The following PAX7 variants were observed in gnomAD, a reference collection of about 807,000 sequenced individuals.
The protein encoded by PAX7 is paired box 7, also known as paired box protein Pax-7.
In PAX7, 18 loss-of-function variants were observed where a neutral mutation model predicts 50.7. The ratio of observed to expected loss-of-function variants is 0.36; its 90% CI spans 0.25 to 0.53. The LOEUF (loss-of-function observed/expected upper bound fraction) is 0.53. Ranked by LOEUF, PAX7 falls within the 20% of genes least tolerant of loss-of-function variation. PAX7 has a pLI of 0.93. For synonymous variants in PAX7, 310 were observed against 290.4 expected, an observed-to-expected ratio of 1.07 and a Z score of -0.69; for missense variants, 644 against 702.9, an observed-to-expected ratio of 0.92 and a Z score of 0.95.
intron 5 of PAX7, among the ~76,000 whole-genome samples, chr1:18,696,349 G>A (rs1427561421): frequency 1.3e-5 from 2 of 149,140 alleles, no homozygotes; most frequent in Admixed American, 1.3e-4. Context: ...TTACAGGCAT[G>A]AGCCACTGCA....
chr1:18,700,899 T>A lies in PAX7; in HGVS notation c.952+81T>A. ...TACTTTCACTTACAAAGGCTCTTCT[T>A]TTTTTTATGACCATTTCTTACTTTC... On this transcript the variant is annotated intron_variant, in intron 6 of 8. Transcript: ENST00000420770. This position sits in a 1 kb window ranked among gnomAD's most constrained non-coding sequence, Gnocchi z 4.8. 1 of 1,218,956 alleles carries A rather than the reference T, an allele frequency of 8.2e-7. No homozygotes were observed. Among genetic ancestry groups the A allele is most frequent in the Non-Finnish European group, 1.1e-6 (1 of 925,128 alleles). 75.5% of individuals were successfully genotyped at this position (1,218,956 alleles called of 1,614,324 possible).
intron 7 of PAX7, among the ~76,000 whole-genome samples, chr1:18,717,924 G>A (rs955857084): frequency 6.6e-6 from 1 of 152,214 alleles, no homozygotes; most frequent in Non-Finnish European, 1.5e-5. Context: ...CCCCTCTTAG[G>A]GGGAGAAATA....
Position 18,745,528 on chromosome 1 carries a change from T to A in PAX7, c.*599T>A. Reference sequence around the variant, plus strand: ...GGGCAGTCTCACCCCCACCCAGGAATTTGAAGGACTTCAGAACCCTCCCCA... The same window carrying A: ...GGGCAGTCTCACCCCCACCCAGGAAATTGAAGGACTTCAGAACCCTCCCCA... On this transcript the variant is annotated 3_prime_UTR_variant, in exon 9 of 9. Coordinates refer to ENST00000420770, the MANE Select transcript of PAX7 (RefSeq NM_001135254.2). The A allele has an allele frequency of 4.3e-6, 1 of 231,252 alleles. No homozygotes were observed. The highest frequency in any genetic ancestry group is 8.5e-6 in the Non-Finnish European group (1 of 116,972). The allele number at this position is 231,252 out of a possible 1,614,324, so 14.3% of individuals were successfully genotyped here. A position where few individuals can be genotyped will look rare whatever the true frequency, so the allele number is the denominator to read the frequency against.
At chr1:18,690,078 T>G (rs967126751) in intron 4 of PAX7, among the ~76,000 whole-genome samples, 2 of 152,158 alleles carry the variant, frequency 1.3e-5, no homozygotes, top group African/African-American at 4.8e-5. Context: ...CCCAAGATCT[T>G]CTAGCTTGAC....
At chr1:18,650,189 G>A (rs1255561857) in intron 4 of PAX7, among the ~76,000 whole-genome samples, 1 of 152,224 alleles carries the variant, frequency 6.6e-6, no homozygotes, top group Admixed American at 6.5e-5. Flanking sequence ...CTCAGGCTGT[G>A]GTTATTGGTC....
At position 18,705,701 on chromosome 1, in the gene PAX7, T is replaced by C. The variant is rs369472856; in HGVS notation, c.1155+2405T>C. ...GTGTGAGCAGTGGATCAAGGGGAAG[T>C]ATCTCCCCCATGGCAAGGAGACTTC... On this transcript the variant is annotated intron_variant, in intron 7 of 8. Transcript: ENST00000420770. 7.9e-5 allele frequency among the ~76,000 whole-genome samples: 12 copies of C among 152,254 alleles called. No homozygotes were observed. The East Asian group carries it at 1.2e-3, about 15-fold the overall frequency.
At chr1:18,677,448 T>A (rs1273106465) in intron 4 of PAX7, among the ~76,000 whole-genome samples, 2 of 152,234 alleles carry the variant, frequency 1.3e-5, no homozygotes, top group African/African-American at 4.8e-5. Flanking sequence ...GCAATGAACA[T>A]TCACTGCTGT....
intron 7 of PAX7, among the ~76,000 whole-genome samples, chr1:18,712,466 G>A (rs770186998): frequency 1.3e-5 from 2 of 152,106 alleles, no homozygotes; most frequent in Admixed American, 6.5e-5. Flanking sequence ...TTTTTCCTGG[G>A]TGGAGGGAAA....
intron 4 of PAX7, among the ~76,000 whole-genome samples, chr1:18,650,532 C>T (rs554831084): frequency 3.3e-5 from 5 of 152,250 alleles, no homozygotes; most frequent in East Asian, 3.9e-4. Context: ...GGCTGTGCCC[C>T]GGAGTCACCC....
intron 7 of PAX7, among the ~76,000 whole-genome samples, chr1:18,718,994 T>A (rs191652379): frequency 5.3e-5 from 8 of 152,246 alleles, no homozygotes; most frequent in African/African-American, 7.2e-5. Flanking sequence ...TGAAATGAAC[T>A]GAGATCCCCC....
At position 18,635,859 on chromosome 1, in the gene PAX7, G is replaced by A. The variant is rs543031262; in HGVS notation, c.452-378G>A. ...GTGTACATGTGCATTCAGGCACGCAGGGCCAGAATGCACACCTGAGTGTGG... is the reference window on the plus strand; with the variant it reads ...GTGTACATGTGCATTCAGGCACGCAAGGCCAGAATGCACACCTGAGTGTGG... On this transcript the variant is annotated intron_variant, in intron 3 of 8. Transcript: ENST00000420770. Among the ~76,000 whole-genome samples, 86 of 152,092 alleles carry A rather than the reference G, an allele frequency of 5.7e-4. 1 individual carries two copies. The Middle Eastern group carries it at 0.014, about 24-fold the overall frequency.
chr1:18,669,839 T>G (rs1331538319), intron 4 of PAX7, among the ~76,000 whole-genome samples: 1 of 152,042 alleles, frequency 6.6e-6, no homozygotes, highest in Non-Finnish European at 1.5e-5. Flanking sequence ...AAAAAGCCCT[T>G]AATAGGGAGG....
At chr1:18,671,561 C>A (rs114305080) in intron 4 of PAX7, among the ~76,000 whole-genome samples, 1 of 151,608 alleles carries the variant, frequency 6.6e-6, no homozygotes, top group Non-Finnish European at 1.5e-5. Context: ...GGGAGGACGA[C>A]CTTGGAGAGA....
chr1:18,693,186 G>A (rs2089100832), intron 5 of PAX7, among the ~76,000 whole-genome samples: 1 of 152,176 alleles, frequency 6.6e-6, no homozygotes, highest in Admixed American at 6.5e-5. Flanking sequence ...CAGTGCTCAG[G>A]GAGTCAGAGC....
At chr1:18,665,318 C>A (rs1197657251) in intron 4 of PAX7, among the ~76,000 whole-genome samples, 14 of 152,148 alleles carry the variant, frequency 9.2e-5, no homozygotes, top group African/African-American at 3.1e-4. Context: ...GGGCTTGTGC[C>A]TGGAACTAGA....
At chr1:18,739,253 T>C (rs1471425837) in intron 8 of PAX7, among the ~76,000 whole-genome samples, 1 of 152,138 alleles carries the variant, frequency 6.6e-6, no homozygotes, top group African/African-American at 2.4e-5. Context: ...TCTTCTAACT[T>C]CAAACCACAG....
chr1:18,689,784 G>A (rs1028315108), intron 4 of PAX7, among the ~76,000 whole-genome samples: 12 of 152,352 alleles, frequency 7.9e-5, no homozygotes, highest in African/African-American at 1.7e-4. Context: ...CACACCAGGC[G>A]TTTGCATGTG....
At position 18,726,320 on chromosome 1, in the gene PAX7, G is replaced by A. The variant is rs904675404; in HGVS notation, c.1156-9312G>A. ...CACTTAGAAACCCATTGGGTTGGAG[G>A]ATGTTTGCAATATGTCCCCTCAATT... On this transcript the variant is annotated intron_variant, in intron 7 of 8. Coordinates refer to ENST00000420770, the MANE Select transcript of PAX7 (RefSeq NM_001135254.2). This position sits in a 1 kb window ranked among gnomAD's most constrained non-coding sequence, Gnocchi z 4.8. Among the ~76,000 whole-genome samples, 1 of 152,208 alleles carries A rather than the reference G, an allele frequency of 6.6e-6. No homozygotes were observed. Among genetic ancestry groups the A allele is most frequent in the African/African-American group, 2.4e-5 (1 of 41,446 alleles).
intron 7 of PAX7, among the ~76,000 whole-genome samples, chr1:18,725,685 C>T (rs531207732): frequency 3.3e-5 from 5 of 152,320 alleles, no homozygotes; most frequent in East Asian, 1.9e-4. Context: ...TCTTTTCCAG[C>T]GATCGGCCCC....
Sources: allele counts gnomAD v4.1 joint callset (sites outside exome capture counted in the v4.1 genomes callset), GRCh38; gene constraint gnomAD v4.1.1; non-coding constraint Gnocchi (gnomAD v3.1); transcripts MANE v1.5; gene names NCBI Gene and HGNC (gene_info 2026-07-23, HGNC 2026-07-21).